The following RNF144B variants were observed in gnomAD, a reference collection of about 807,000 sequenced individuals.
The protein encoded by RNF144B is E3 ubiquitin-protein ligase RNF144B.
RNF144B carries 25 observed loss-of-function variants against 40.2 expected under a neutral mutation model. That is an observed-to-expected ratio of 0.62 (90% confidence interval 0.45 to 0.87). RNF144B has a LOEUF of 0.87. RNF144B is among the 40% of genes least tolerant of loss of function. The pLI is 0.00. For missense variants in RNF144B, 365 were observed against 373.7 expected (o/e 0.98, Z 0.19); for synonymous variants, 145 against 136.3 (o/e 1.06, Z -0.44).
chr6:18,449,202 T>C (rs1270377119), intron 4 of RNF144B, among the ~76,000 whole-genome samples: 2 of 152,258 alleles, frequency 1.3e-5, no homozygotes, highest in African/African-American at 4.8e-5. Context: ...CATTTACATC[T>C]GTATTATTTG....
intron 3 of RNF144B, 121 bp from the exon 4 acceptor site, chr6:18,439,563 G>A (rs889822103): frequency 2.9e-6 from 2 of 693,770 alleles, no homozygotes; most frequent in Non-Finnish European, 5.2e-6. Flanking sequence ...AGAAAAAGAG[G>A]TTTGCAAACA....
Position 18,400,146 on chromosome 6 carries a change from G to A in RNF144B, c.165+447G>A, listed in dbSNP as rs1176836531. Among the ~76,000 whole-genome samples the A allele has an allele frequency of 6.6e-6, 1 of 151,922 alleles. No homozygotes were observed. Among genetic ancestry groups the A allele is most frequent in the African/African-American group, 2.4e-5 (1 of 41,354 alleles). ...AAATTAGCTGGGCTTGGTGGCGGGC[G>A]CCTGTAGTCCCAGCTACTCGGGAGG... On this transcript the variant is annotated intron_variant, in intron 2 of 7. Coordinates refer to ENST00000259939, the MANE Select transcript of RNF144B (RefSeq NM_182757.4). The surrounding 1 kb of genome is among the most constrained non-coding windows in gnomAD (Gnocchi z 5.6).
chr6:18,414,836 G>T lies in RNF144B; in HGVS notation c.166-12745G>T, dbSNP rs932286057. Among the ~76,000 whole-genome samples, 2 of 152,056 alleles carry T rather than the reference G, an allele frequency of 1.3e-5. No homozygotes were observed. Among genetic ancestry groups the T allele is most frequent in the Non-Finnish European group, 2.9e-5 (2 of 67,984 alleles). ...GAAAAAGAACAAAAACTTTTAAAAA[G>T]ATGGAAAAAATTGTACAACAGTTTG... On this transcript the variant is annotated intron_variant, in intron 2 of 7. Transcript: ENST00000259939. The surrounding 1 kb of genome is among the most constrained non-coding windows in gnomAD (Gnocchi z 4.9).
chr6:18,418,547 G>A lies in RNF144B; in HGVS notation c.166-9034G>A, dbSNP rs1795191430. 6.6e-6 allele frequency among the ~76,000 whole-genome samples: 1 copy of A among 152,098 alleles called. No individual in the cohort carries two copies. Among genetic ancestry groups the A allele is most frequent in the African/African-American group, 2.4e-5 (1 of 41,428 alleles). On this transcript the variant is annotated intron_variant, in intron 2 of 7. Coordinates refer to ENST00000259939, the MANE Select transcript of RNF144B (RefSeq NM_182757.4). This position sits in a 1 kb window ranked among gnomAD's most constrained non-coding sequence, Gnocchi z 5.2. ...TATACATACAGAAAGTCAAATGGTGGTTCCCTAGGGCTGTGCATGGAGGAT... is the reference window on the plus strand; with the variant it reads ...TATACATACAGAAAGTCAAATGGTGATTCCCTAGGGCTGTGCATGGAGGAT...
In RNF144B at chr6:18,457,960, CAG is replaced by C. The variant is rs1254094928; in HGVS notation, c.536+604_536+605del. On this transcript the variant is annotated intron_variant, in intron 5 of 7. Transcript: ENST00000259939. This position sits in a 1 kb window ranked among gnomAD's most constrained non-coding sequence, Gnocchi z 5.1. ...TTTTTGTTTTGTTTTGTTTTTGAGACAGAGTCTTGCTCTGTTGCCTAGACTGG... is the reference window on the plus strand; with the variant it reads ...TTTTTGTTTTGTTTTGTTTTTGAGACAGTCTTGCTCTGTTGCCTAGACTGG... Among the ~76,000 whole-genome samples the C allele has an allele frequency of 1.1e-4, 16 of 151,898 alleles. No homozygotes were observed. Among genetic ancestry groups the C allele is most frequent in the Non-Finnish European group, 1.0e-4 (7 of 67,976 alleles).
chr6:18,415,494 C>T (rs1795133178), intron 2 of RNF144B, among the ~76,000 whole-genome samples: 1 of 152,252 alleles, frequency 6.6e-6, no homozygotes, highest in South Asian at 2.1e-4. Context: ...TAACCTTGAG[C>T]CCTTTCATAA....
At chr6:18,438,958 G>T (rs1758887938) in intron 3 of RNF144B, among the ~76,000 whole-genome samples, 1 of 152,040 alleles carries the variant, frequency 6.6e-6, no homozygotes, top group Non-Finnish European at 1.5e-5. Context: ...TAGAATGCTG[G>T]TTTAAGAGCA....
Position 18,425,054 on chromosome 6 carries a change from TGG to T in RNF144B, c.166-2525_166-2524del, listed in dbSNP as rs1491284620. Among the ~76,000 whole-genome samples, 11 of 147,868 alleles carry T rather than the reference TGG, an allele frequency of 7.4e-5. No homozygotes were observed. The highest frequency in any genetic ancestry group is 2.5e-4 in the African/African-American group (10 of 40,644). ...AATTTCACGTGTATGTGTGTATGTG[TGG>T]GTGTGTGTGTGTGTGTGTTAAAACC... is the stretch of plus-strand genomic sequence containing the variant. On this transcript the variant is annotated intron_variant, in intron 2 of 7. Coordinates refer to ENST00000259939, the MANE Select transcript of RNF144B (RefSeq NM_182757.4). The surrounding 1 kb of genome is among the most constrained non-coding windows in gnomAD (Gnocchi z 4.2).
chr6:18,431,666 C>G (rs76238744), intron 3 of RNF144B, among the ~76,000 whole-genome samples: 4,634 of 152,268 alleles, frequency 0.03, 152 homozygotes, highest in South Asian at 0.16. Flanking sequence ...TCTGATTAAG[C>G]CTGGTTCTCT....
Position 18,457,212 on chromosome 6 carries a change from G to C in RNF144B, c.389G>C (p.Cys130Ser). ...WCPVADCQTV[C>S]PVASSDPGQP... ...CCTGTTGCAGACTGTCAGACAGTGT[G>C]CCCTGTTGCCTCGAGTGACCCAGGA... The change falls in exon 5 of 8, where the codon TGC (cysteine) becomes TCC (serine). Residue 130 changes from cysteine (C) to serine (S), a missense_variant. Physicochemically the swap from Cys to Ser is moderately radical, Grantham distance 112. Transcript: ENST00000259939. The surrounding 1 kb of genome is among the most constrained non-coding windows in gnomAD (Gnocchi z 5.1). 1 of 1,614,114 alleles carries C rather than the reference G, an allele frequency of 6.2e-7. No individual in the cohort carries two copies. Among genetic ancestry groups the C allele is most frequent in the Admixed American group, 1.7e-5 (1 of 60,024 alleles).
At chr6:18,417,127 A>G (rs1393789379) in intron 2 of RNF144B, among the ~76,000 whole-genome samples, 1 of 152,218 alleles carries the variant, frequency 6.6e-6, no homozygotes, top group Non-Finnish European at 1.5e-5. Context: ...AAGATATCCC[A>G]TCTTCATGGA....
intron 3 of RNF144B, among the ~76,000 whole-genome samples, chr6:18,429,399 G>A (rs926342322): frequency 6.6e-6 from 1 of 152,132 alleles, no homozygotes; most frequent in African/African-American, 2.4e-5. Flanking sequence ...TGTAAGTGAA[G>A]CAGTCAGAAA....
At chr6:18,435,982 C>T (rs1232237434) in intron 3 of RNF144B, among the ~76,000 whole-genome samples, 1 of 151,718 alleles carries the variant, frequency 6.6e-6, no homozygotes, top group East Asian at 1.9e-4. Flanking sequence ...TGTAACAAAC[C>T]TGCACGTTGT....
chr6:18,389,809 C>T (rs1389931472), intron 1 of RNF144B, among the ~76,000 whole-genome samples: 6 of 152,212 alleles, frequency 3.9e-5, no homozygotes, highest in Non-Finnish European at 5.9e-5. Context: ...GAATAGGTAT[C>T]TGTAGCCATT....
intron 2 of RNF144B, among the ~76,000 whole-genome samples, chr6:18,417,360 T>C (rs1448630458): frequency 6.6e-6 from 1 of 152,180 alleles, no homozygotes; most frequent in South Asian, 2.1e-4. Context: ...ATTGTGATAC[T>C]GTCATGAGGA....
In RNF144B at chr6:18,460,685, C is replaced by T. The variant is rs781028478; in HGVS notation, c.681+934C>T. The stretch of plus-strand genomic sequence containing the variant: ...GTATCGCTACTGTTTTGACAGTGTT[C>T]CCTTCCCAGATCAAGGGGCTTGGCT... On this transcript the variant is annotated intron_variant, in intron 6 of 7. Coordinates refer to ENST00000259939, the MANE Select transcript of RNF144B (RefSeq NM_182757.4). This position sits in a 1 kb window ranked among gnomAD's most constrained non-coding sequence, Gnocchi z 4.4. Among the ~76,000 whole-genome samples the T allele has an allele frequency of 6.6e-6, 1 of 152,110 alleles. No individual in the cohort carries two copies. Among genetic ancestry groups the T allele is most frequent in the Non-Finnish European group, 1.5e-5 (1 of 68,016 alleles).
At position 18,450,754 on chromosome 6, in the gene RNF144B, C is replaced by T. The variant is rs2113527831; in HGVS notation, c.332-6401C>T. On this transcript the variant is annotated intron_variant, in intron 4 of 7. Transcript: ENST00000259939. The surrounding 1 kb of genome is among the most constrained non-coding windows in gnomAD (Gnocchi z 4.7). ...TGTGAATGCCCTTGTTCAGTGTTTT[C>T]TTTAAGGACAGAATCTTAATTCTAA... is the stretch of plus-strand genomic sequence containing the variant. Among the ~76,000 whole-genome samples, 1 of 152,310 alleles carries T rather than the reference C, an allele frequency of 6.6e-6. No homozygotes were observed. Among genetic ancestry groups the T allele is most frequent in the South Asian group, 2.1e-4 (1 of 4,828 alleles).
In RNF144B at chr6:18,443,602, T is replaced by C. The variant is rs1348413160; in HGVS notation, c.331+3858T>C. Among the ~76,000 whole-genome samples, 1 of 152,186 alleles carries C rather than the reference T, an allele frequency of 6.6e-6. No homozygotes were observed. The highest frequency in any genetic ancestry group is 1.9e-4 in the East Asian group (1 of 5,192). On this transcript the variant is annotated intron_variant, in intron 4 of 7. Coordinates refer to ENST00000259939, the MANE Select transcript of RNF144B (RefSeq NM_182757.4). This position sits in a 1 kb window ranked among gnomAD's most constrained non-coding sequence, Gnocchi z 4.7. ...AAGGCAATTTGTAATCGTGTAATTCTTCATTACCATCCGTTATAATTATTA... is the reference window on the plus strand; with the variant it reads ...AAGGCAATTTGTAATCGTGTAATTCCTCATTACCATCCGTTATAATTATTA...
intron 4 of RNF144B, among the ~76,000 whole-genome samples, chr6:18,440,226 A>G (rs879332313): frequency 6.6e-6 from 1 of 152,104 alleles, no homozygotes; most frequent in Non-Finnish European, 1.5e-5. Context: ...GCAATTTACA[A>G]TGTATTGGAC....
Sources: gnomAD v4.1 joint callset for allele counts (sites outside exome capture counted in the v4.1 genomes callset) on GRCh38, gnomAD v4.1.1 for gene constraint, Gnocchi (gnomAD v3.1) non-coding constraint, MANE v1.5 for transcripts, NCBI Gene and HGNC (gene_info 2026-07-23, HGNC 2026-07-21) for gene names.